The following OSBPL6 variants were observed in gnomAD, a reference collection of about 807,000 sequenced individuals.
The protein encoded by OSBPL6 is oxysterol binding protein like 6.
Under a neutral mutation model 125.8 loss-of-function variants are expected in OSBPL6, and 49 were observed. That is an observed-to-expected ratio of 0.39 (90% CI 0.31 to 0.49). OSBPL6 has a LOEUF of 0.49. OSBPL6 is among the 20% of genes least tolerant of loss of function. OSBPL6 has a pLI of 0.88. For synonymous variants in OSBPL6, 394 were observed against 391.8 expected, an observed-to-expected ratio of 1.01 and a Z score of -0.07; for missense variants, 986 against 1,135.4, an observed-to-expected ratio of 0.87 and a Z score of 1.89.
rs551481856 is a variant in OSBPL6 at position 178,200,836 on chromosome 2, C to T, written c.-351+6162C>T. Reference sequence around the variant, plus strand: ...TTTGAGACAGAGTCTTGCTCTGTCACCCAGGTTGGAGTGCAGTGGCGCGAT... The same window carrying T: ...TTTGAGACAGAGTCTTGCTCTGTCATCCAGGTTGGAGTGCAGTGGCGCGAT... On this transcript the variant is annotated intron_variant, in intron 1 of 24. Coordinates refer to ENST00000190611, the MANE Select transcript of OSBPL6 (RefSeq NM_032523.4). Among the ~76,000 whole-genome samples the T allele has an allele frequency of 5.1e-4, 78 of 152,048 alleles. 1 individual carries two copies. The highest frequency in any genetic ancestry group is 8.4e-4 in the Non-Finnish European group (57 of 67,992).
At chr2:178,235,398 C>CTTTTTTTTTTTTTT (rs540269327) in intron 1 of OSBPL6, among the ~76,000 whole-genome samples, 4 of 78,040 alleles carry the variant, frequency 5.1e-5, no homozygotes, top group Non-Finnish European at 7.3e-5. Context: ...CTTTTCTTTT[C>CTTTTTTTTTTTTTT]TTTTTTTTTT....
At chr2:178,269,197 G>A (rs1040374772) in intron 1 of OSBPL6, among the ~76,000 whole-genome samples, 29 of 152,176 alleles carry the variant, frequency 1.9e-4, no homozygotes, top group African/African-American at 7.0e-4. Flanking sequence ...GGACATGAGG[G>A]GATGGGCCAG....
intron 1 of OSBPL6, among the ~76,000 whole-genome samples, chr2:178,257,178 A>T (rs547631778): frequency 4.6e-5 from 7 of 152,336 alleles, no homozygotes; most frequent in Admixed American, 2.0e-4. Flanking sequence ...TTTGGATGGT[A>T]AAGCTTCAGT....
At chr2:178,295,665 A>G (rs334619) in intron 2 of OSBPL6, among the ~76,000 whole-genome samples, 132,644 of 152,134 alleles carry the variant, frequency 0.87, 58,795 homozygotes, top group Non-Finnish European at 0.95. Flanking sequence ...TTAGTGGACA[A>G]TGGAAGTCCT....
chr2:178,206,787 G>A (rs985707238), intron 1 of OSBPL6, among the ~76,000 whole-genome samples: 1 of 152,036 alleles, frequency 6.6e-6, no homozygotes, highest in Non-Finnish European at 1.5e-5. Flanking sequence ...GCTAATTTTT[G>A]TATTTTTAGT....
intron 15 of OSBPL6, among the ~76,000 whole-genome samples, chr2:178,379,228 GAAGA>G (rs951429952): frequency 1.1e-4 from 17 of 148,704 alleles, no homozygotes; most frequent in East Asian, 2.0e-4. Context: ...GTAAGGGAAA[GAAGA>G]AAGAAAGAGA....
At chr2:178,347,747 T>C (rs1214905183) in intron 11 of OSBPL6, among the ~76,000 whole-genome samples, 2 of 152,330 alleles carry the variant, frequency 1.3e-5, no homozygotes, top group East Asian at 1.9e-4. Flanking sequence ...TTCAGCCTGA[T>C]AATATTGATA....
At chr2:178,373,061 A>G (rs1693548870) in intron 14 of OSBPL6, among the ~76,000 whole-genome samples, 1 of 152,190 alleles carries the variant, frequency 6.6e-6, no homozygotes, top group Non-Finnish European at 1.5e-5. Context: ...TACCAAAAAC[A>G]TACATTTTAC....
intron 15 of OSBPL6, among the ~76,000 whole-genome samples, chr2:178,375,410 GTTGTTT>G (rs1320651464): frequency 1.3e-5 from 2 of 151,886 alleles, no homozygotes; most frequent in Non-Finnish European, 2.9e-5. Context: ...TTTTGTTGTT[GTTGTTT>G]TTGTTTTTGT....
chr2:178,327,863 G>A (rs1688833282), intron 4 of OSBPL6, among the ~76,000 whole-genome samples: 2 of 152,022 alleles, frequency 1.3e-5, no homozygotes, highest in Non-Finnish European at 2.9e-5. Flanking sequence ...AGAAAGCCAG[G>A]TCCACACACT....
At chr2:178,289,636 T>G (rs931005619) in intron 2 of OSBPL6, among the ~76,000 whole-genome samples, 13 of 152,220 alleles carry the variant, frequency 8.5e-5, no homozygotes, top group African/African-American at 3.1e-4. Flanking sequence ...AAATTCTCTT[T>G]TAATAGTTGG....
At chr2:178,261,648 G>T (rs112658033) in intron 1 of OSBPL6, among the ~76,000 whole-genome samples, 30 of 152,266 alleles carry the variant, frequency 2.0e-4, no homozygotes, top group African/African-American at 6.7e-4. Context: ...AAGGTGAAAC[G>T]CAAATATTAT....
intron 1 of OSBPL6, among the ~76,000 whole-genome samples, chr2:178,271,111 T>C (rs1276124500): frequency 6.6e-6 from 1 of 152,034 alleles, no homozygotes; most frequent in African/African-American, 2.4e-5. Context: ...CCCTATCCAG[T>C]TTTTTTTAAA....
chr2:178,377,593 A>G (rs1694000288), intron 15 of OSBPL6, among the ~76,000 whole-genome samples: 1 of 152,178 alleles, frequency 6.6e-6, no homozygotes, highest in Non-Finnish European at 1.5e-5. Flanking sequence ...TGGGAATCCT[A>G]GCAGCAGCTG....
intron 1 of OSBPL6, among the ~76,000 whole-genome samples, chr2:178,238,047 C>A (rs897237861): frequency 6.6e-6 from 1 of 152,186 alleles, no homozygotes; most frequent in Non-Finnish European, 1.5e-5. Context: ...TGATTGTCTG[C>A]AACTTTTAAC....
chr2:178,227,327 G>A (rs1462514829), intron 1 of OSBPL6, among the ~76,000 whole-genome samples: 1 of 152,150 alleles, frequency 6.6e-6, no homozygotes, highest in African/African-American at 2.4e-5. Context: ...GGGCAAATAT[G>A]GATCCACAGG....
At chr2:178,256,916 C>T (rs1401980777) in intron 1 of OSBPL6, among the ~76,000 whole-genome samples, 1 of 152,168 alleles carries the variant, frequency 6.6e-6, no homozygotes, top group Non-Finnish European at 1.5e-5. Context: ...ACACCTGCAA[C>T]TGTCTCTCAA....
At chr2:178,382,102 G>T (rs1037916757) in intron 15 of OSBPL6, among the ~76,000 whole-genome samples, 2 of 152,144 alleles carry the variant, frequency 1.3e-5, no homozygotes, top group Non-Finnish European at 2.9e-5. Flanking sequence ...GAAAGTAATG[G>T]CAAAAACGCA....
At chr2:178,245,929 C>T (rs1215499728) in intron 1 of OSBPL6, among the ~76,000 whole-genome samples, 2 of 152,084 alleles carry the variant, frequency 1.3e-5, no homozygotes, top group Non-Finnish European at 2.9e-5. Flanking sequence ...TGTTTGTGTG[C>T]CCTGGATGGT....
Sources: gnomAD v4.1 joint callset for allele counts (sites outside exome capture counted in the v4.1 genomes callset) on GRCh38, gnomAD v4.1.1 for gene constraint, MANE v1.5 for transcripts, NCBI Gene and HGNC (gene_info 2026-07-23, HGNC 2026-07-21) for gene names.